CLOCK: variants seen among roughly 807,000 people sequenced by gnomAD.
The protein encoded by CLOCK is circadian locomoter output cycles protein kaput.
CLOCK carries 43 observed loss-of-function variants against 118.4 expected under a neutral mutation model. The ratio of observed to expected loss-of-function variants is 0.36; its 90% CI spans 0.28 to 0.47. The LOEUF is 0.47. Among genes scored for constraint, CLOCK ranks in the 20% least tolerant of loss-of-function variants. The probability of loss-of-function intolerance (pLI) is 1.00; values close to 1 mark genes in which losing one functional copy is unlikely to be tolerated. For missense variants in CLOCK, 846 were observed against 999.9 expected, an observed-to-expected ratio of 0.85 and a Z score of 2.08; for synonymous variants, 326 against 339.2, an observed-to-expected ratio of 0.96 and a Z score of 0.43.
intron 1 of CLOCK, among the ~76,000 whole-genome samples, chr4:55,541,556 G>C (rs1731268608): frequency 6.6e-6 from 1 of 152,126 alleles, no homozygotes; most frequent in Non-Finnish European, 1.5e-5. Context: ...ATTTGACACA[G>C]CACTAGAAGT....
intron 2 of CLOCK, among the ~76,000 whole-genome samples, chr4:55,506,005 A>G (rs1460557324): frequency 1.3e-5 from 2 of 152,082 alleles, no homozygotes; most frequent in Non-Finnish European, 2.9e-5. Flanking sequence ...TCTACAGTAT[A>G]GTTACCAACT....
At chr4:55,441,934 A>G (rs1383584295) in intron 21 of CLOCK, among the ~76,000 whole-genome samples, 1 of 152,206 alleles carries the variant, frequency 6.6e-6, no homozygotes, top group Non-Finnish European at 1.5e-5. Context: ...TTAACTAGCT[A>G]TAGATCCCTT....
At chr4:55,470,016 A>T (rs564578450) in intron 8 of CLOCK, among the ~76,000 whole-genome samples, 7 of 152,364 alleles carry the variant, frequency 4.6e-5, no homozygotes, top group East Asian at 1.9e-4. Context: ...TTAAAAAAAA[A>T]TTTTAAGTTT....
intron 18 of CLOCK, among the ~76,000 whole-genome samples, chr4:55,447,088 C>T (rs571186057): frequency 2.6e-5 from 4 of 151,270 alleles, no homozygotes; most frequent in South Asian, 4.2e-4. Flanking sequence ...TAATTATGGC[C>T]GGGCATGGTG....
At chr4:55,449,978 A>T in intron 16 of CLOCK, 113 bp downstream of exon 16, 2 of 1,309,186 alleles carry the variant, frequency 1.5e-6, no homozygotes, top group Non-Finnish European at 2.1e-6. Flanking sequence ...ACATTTCAGA[A>T]ATGTAAAAAC....
intron 2 of CLOCK, among the ~76,000 whole-genome samples, chr4:55,504,157 G>T (rs1378792539): frequency 2.7e-5 from 4 of 150,592 alleles, no homozygotes; most frequent in African/African-American, 9.7e-5. Flanking sequence ...GTGGTGGCAG[G>T]CGCCTATAGT....
At chr4:55,511,286 A>G (rs1465036817) in intron 1 of CLOCK, among the ~76,000 whole-genome samples, 1 of 124,892 alleles carries the variant, frequency 8.0e-6, no homozygotes, top group Non-Finnish European at 1.8e-5. Flanking sequence ...TATCCTATCT[A>G]TCTAATTTTA....
At chr4:55,508,904 T>C (rs748856711) in intron 2 of CLOCK, among the ~76,000 whole-genome samples, 1 of 152,158 alleles carries the variant, frequency 6.6e-6, no homozygotes, top group African/African-American at 2.4e-5. Flanking sequence ...GGGATACATT[T>C]TGAGAAATGC....
chr4:55,472,688 C>T (rs1292183682), intron 7 of CLOCK, among the ~76,000 whole-genome samples: 1 of 151,736 alleles, frequency 6.6e-6, no homozygotes, highest in African/African-American at 2.4e-5. Context: ...CCTTTCCTAA[C>T]TCTATGTAAT....
chr4:55,498,899 A>T (rs1728258378), intron 2 of CLOCK, among the ~76,000 whole-genome samples: 3 of 152,194 alleles, frequency 2.0e-5, no homozygotes, highest in Non-Finnish European at 4.4e-5. Context: ...TTGATACAGA[A>T]GACACGAGAT....
At chr4:55,497,479 C>T (rs1728155858) in intron 2 of CLOCK, among the ~76,000 whole-genome samples, 1 of 152,116 alleles carries the variant, frequency 6.6e-6, no homozygotes, top group Non-Finnish European at 1.5e-5. Flanking sequence ...CTGCCTACCA[C>T]GTACCATGGA....
chr4:55,522,246 A>G (rs1027333093), intron 1 of CLOCK, among the ~76,000 whole-genome samples: 2 of 152,192 alleles, frequency 1.3e-5, no homozygotes, highest in Admixed American at 1.3e-4. Context: ...CCTTAAAGGA[A>G]AACAAGCCAA....
Position 55,435,493 on chromosome 4 carries a change from A to G in CLOCK, c.2463T>C (p.His821=), listed in dbSNP as rs780330725. The change falls in exon 23 of 23, where the codon CAT becomes CAC. Residue 821 remains histidine, a synonymous_variant. Coordinates refer to ENST00000513440, the MANE Select transcript of CLOCK (RefSeq NM_004898.4). ...TGAGTTGCTGCTGTTGCTGAGACTG[A>G]TGTTGCTGGTGATGTGACTGAGGGA... ...STFPQSHHQQ[H]QSQQQQQLSR... is the part of the protein sequence containing the mutation. The G allele has an allele frequency of 1.0e-4, 165 of 1,613,888 alleles. No homozygotes were observed. The highest frequency in any genetic ancestry group is 1.4e-4 in the Non-Finnish European group (163 of 1,179,946).
chr4:55,436,606 C>T (rs2109630856), intron 22 of CLOCK, among the ~76,000 whole-genome samples: 1 of 152,282 alleles, frequency 6.6e-6, no homozygotes, highest in African/African-American at 2.4e-5. Context: ...AAGAAACATG[C>T]ACAAACACAC....
chr4:55,448,630 G>A (rs1441265550), intron 18 of CLOCK, 149 bp downstream of exon 18: 3 of 604,904 alleles, frequency 5.0e-6, no homozygotes, highest in African/African-American at 3.8e-5. Context: ...GTGTGTGTGT[G>A]TGTGTGTGTG....
rs1724300047 is a variant in CLOCK, at chr4:55,450,205, T to C, written c.1234A>G (p.Ile412Val). The C allele has an allele frequency of 6.2e-7, 1 of 1,614,044 alleles. No individual in the cohort carries two copies. The highest frequency in any genetic ancestry group is 8.5e-7 in the Non-Finnish European group (1 of 1,179,948). Residue 412 changes from isoleucine (I) to valine (V), a missense_variant, in exon 16 of 23, where the codon ATA becomes GTA. Coordinates refer to ENST00000513440, the MANE Select transcript of CLOCK (RefSeq NM_004898.4). ...KSQDSGSDNR[I>V]NTVSLKEALE... ...GCTTCCTTGAGACTGACTGTGTTTA[T>C]ACGATTATCTGACCCAGAATCTTGG...
chr4:55,501,352 C>A (rs1049393215), intron 2 of CLOCK, among the ~76,000 whole-genome samples: 11 of 142,200 alleles, frequency 7.7e-5, no homozygotes, highest in Non-Finnish European at 1.3e-4. Flanking sequence ...TCTTGAATTA[C>A]TACATTTTTG....
At chr4:55,538,051 A>C (rs2110107715) in intron 1 of CLOCK, among the ~76,000 whole-genome samples, 1 of 152,328 alleles carries the variant, frequency 6.6e-6, no homozygotes, top group East Asian at 1.9e-4. Flanking sequence ...CAGACTAATC[A>C]GGGAAAAGGG....
intron 1 of CLOCK, among the ~76,000 whole-genome samples, chr4:55,535,024 G>T (rs1297825470): frequency 6.6e-6 from 1 of 151,208 alleles, no homozygotes; most frequent in Non-Finnish European, 1.5e-5. Flanking sequence ...AACCTCCTGG[G>T]CTCAAGCAAT....
Sources: allele counts gnomAD v4.1 joint callset (sites outside exome capture counted in the v4.1 genomes callset), GRCh38; gene constraint gnomAD v4.1.1; transcripts MANE v1.5; gene names NCBI Gene and HGNC (gene_info 2026-07-23, HGNC 2026-07-21).